NEO1: variants seen among roughly 807,000 people sequenced by gnomAD.
NEO1 encodes the protein neogenin 1.
Under a neutral mutation model 159.7 loss-of-function variants are expected in NEO1, and 63 were observed. The observed-to-expected ratio is 0.39, with a 90% CI of 0.32 to 0.49. The LOEUF (loss-of-function observed/expected upper bound fraction) is 0.49. Ranked by LOEUF, NEO1 falls within the 20% of genes least tolerant of loss-of-function variation. The pLI is 0.85. For synonymous variants in NEO1, 633 were observed against 662.0 expected (o/e 0.96, Z 0.67); for missense variants, 1,615 against 1,831.0 (o/e 0.88, Z 2.15).
chr15:73,223,938 C>G (rs2038430901), intron 7 of NEO1, among the ~76,000 whole-genome samples: 1 of 152,080 alleles, frequency 6.6e-6, no homozygotes, highest in African/African-American at 2.4e-5. Context: ...TGATGTGTTT[C>G]CAGGATTTGA....
chr15:73,293,545 A>G lies in NEO1; in HGVS notation c.3898A>G (p.Thr1300Ala), dbSNP rs2151149954. The G allele has an allele frequency of 1.2e-6, 2 of 1,613,942 alleles. No homozygotes were observed. The highest frequency in any genetic ancestry group is 2.7e-5 in the African/African-American group (2 of 75,014). The change falls in exon 26 of 29, where the codon ACA (threonine) becomes GCA (alanine). Residue 1300 changes from threonine (T) to alanine (A), a missense_variant. Coordinates refer to ENST00000261908, the MANE Select transcript of NEO1 (RefSeq NM_002499.4). ...GTCCCTTTCAGACAGGGCCAATTCCACAGGTGAGAGATGAGGATCAAGCCC... is the reference window on the plus strand; with the variant it reads ...GTCCCTTTCAGACAGGGCCAATTCCGCAGGTGAGAGATGAGGATCAAGCCC... ...SMSLSDRANSTESVRNTPSTD... is the reference protein window; with the variant it reads ...SMSLSDRANSAESVRNTPSTD...
chr15:73,109,160 A>G (rs1485996549), intron 1 of NEO1, among the ~76,000 whole-genome samples: 1 of 152,220 alleles, frequency 6.6e-6, no homozygotes, highest in Non-Finnish European at 1.5e-5. Flanking sequence ...ATACATAACA[A>G]TTTCTAAAAT....
chr15:73,286,508 T>C (rs2041955304), intron 23 of NEO1, among the ~76,000 whole-genome samples: 1 of 152,206 alleles, frequency 6.6e-6, no homozygotes, highest in Admixed American at 6.5e-5. Context: ...CCCCAAGTGA[T>C]CTCATCTGCT....
In NEO1 at chr15:73,253,385, TTTTTG is replaced by T; in HGVS notation, c.1895-11_1895-7del. The T allele has an allele frequency of 6.5e-7, 1 of 1,547,176 alleles. No homozygotes were observed. Among genetic ancestry groups the T allele is most frequent in the South Asian group, 1.2e-5 (1 of 80,374 alleles). On this transcript the variant is annotated splice_polypyrimidine_tract_variant and intron_variant, in intron 11 of 28. Coordinates refer to ENST00000261908, the MANE Select transcript of NEO1 (RefSeq NM_002499.4). ...GATTAAAAAAAAAATTTTTTTTTTT[TTTTTG>T]TTTCTCTAGTTCCCAGTGCTGCTCC...
At position 73,167,473 on chromosome 15, in the gene NEO1, G is replaced by T. The variant is rs985498493; in HGVS notation, c.1016-8930G>T. Among the ~76,000 whole-genome samples the T allele has an allele frequency of 2.6e-5, 4 of 152,072 alleles. No homozygotes were observed. The South Asian group carries it at 6.2e-4, about 24-fold the overall frequency. ...TTTCCTTTATTTCCATGCTGGGGGC[G>T]GGGGAGGCCCATAGGCCCCTCAAGG... is the stretch of plus-strand genomic sequence containing the variant. On this transcript the variant is annotated intron_variant, in intron 5 of 28. Transcript: ENST00000261908.
At position 73,302,947 on chromosome 15, in the gene NEO1, G is replaced by T; in HGVS notation, c.*251G>T. 2.3e-6 allele frequency: 1 copy of T among 444,210 alleles called. No individual in the cohort carries two copies. Among genetic ancestry groups the T allele is most frequent in the Non-Finnish European group, 4.1e-6 (1 of 241,438 alleles). The allele number at this position is 444,210 out of a possible 1,614,324, so 27.5% of individuals were successfully genotyped here. Reference sequence around the variant, plus strand: ...GATATTCTGCAGGACTGGGCACCATGGGCCAAAATTTTGTGTCCAGGGAAG... The same window carrying T: ...GATATTCTGCAGGACTGGGCACCATTGGCCAAAATTTTGTGTCCAGGGAAG... On this transcript the variant is annotated 3_prime_UTR_variant, in exon 29 of 29. Coordinates refer to ENST00000261908, the MANE Select transcript of NEO1 (RefSeq NM_002499.4).
intron 8 of NEO1, among the ~76,000 whole-genome samples, chr15:73,239,384 A>T (rs1161854556): frequency 6.6e-6 from 1 of 152,202 alleles, no homozygotes; most frequent in African/African-American, 2.4e-5. Context: ...TTGGGCCCTC[A>T]TACAAACACG....
Position 73,178,392 on chromosome 15 carries a change from C to T in NEO1, c.1256C>T (p.Ala419Val), listed in dbSNP as rs377540296. 162 of 1,613,584 alleles carry T rather than the reference C, an allele frequency of 1.0e-4. No homozygotes were observed. Among genetic ancestry groups the T allele is most frequent in the Non-Finnish European group, 1.2e-4 (143 of 1,179,838 alleles). Reference sequence around the variant, plus strand: ...ATTGCTGAAAATGATGTTGGAAATGCACAAGCTGGAGCCCAACTGATAATC... The same window carrying T: ...ATTGCTGAAAATGATGTTGGAAATGTACAAGCTGGAGCCCAACTGATAATC... ...QCIAENDVGNAQAGAQLIILE... is the reference protein window; with the variant it reads ...QCIAENDVGNVQAGAQLIILE... Residue 419 changes from alanine to valine, a missense_variant, in exon 7 of 29, where the codon GCA becomes GTA. Physicochemically the swap from Ala to Val is moderately conservative, Grantham distance 64 (BLOSUM62 0). Coordinates refer to ENST00000261908, the MANE Select transcript of NEO1 (RefSeq NM_002499.4).
intron 5 of NEO1, among the ~76,000 whole-genome samples, chr15:73,152,040 T>C (rs1431405155): frequency 6.6e-6 from 1 of 152,184 alleles, no homozygotes; most frequent in East Asian, 1.9e-4. Context: ...ACAGAGCCAA[T>C]AGGAAGCATA....
At chr15:73,239,772 A>G (rs142164202) in intron 8 of NEO1, among the ~76,000 whole-genome samples, 1 of 152,194 alleles carries the variant, frequency 6.6e-6, no homozygotes, top group Non-Finnish European at 1.5e-5. Flanking sequence ...CACGTGATGC[A>G]TTTGTCAGAA....
At chr15:73,274,812 T>TC (rs1383719263) in intron 21 of NEO1, 88 bp downstream of exon 21, 2 of 1,173,696 alleles carry the variant, frequency 1.7e-6, no homozygotes, top group African/African-American at 1.6e-5. Flanking sequence ...TTTTTTTTTT[T>TC]CCTGAAAAAT....
At chr15:73,285,129 A>G (rs114205551) in intron 23 of NEO1, among the ~76,000 whole-genome samples, 1 of 151,570 alleles carries the variant, frequency 6.6e-6, no homozygotes, top group Non-Finnish European at 1.5e-5. Context: ...TTCAAAGTAA[A>G]TTTTTTTTTA....
chr15:73,255,354 A>G (rs2040288555), intron 13 of NEO1: 1 of 152,372 alleles, frequency 6.6e-6, no homozygotes, highest in Non-Finnish European at 1.5e-5. Flanking sequence ...TTCCCTTCAT[A>G]TGCAACAGAA....
At chr15:73,053,236 T>C (rs948482136) in intron 1 of NEO1, among the ~76,000 whole-genome samples, 2 of 152,300 alleles carry the variant, frequency 1.3e-5, no homozygotes, top group East Asian at 1.9e-4. Flanking sequence ...CTTGAGCTCC[T>C]GGTTCCCTGG....
chr15:73,125,429 C>T (rs889053704), intron 3 of NEO1, among the ~76,000 whole-genome samples: 2 of 152,206 alleles, frequency 1.3e-5, no homozygotes, highest in Non-Finnish European at 2.9e-5. Context: ...GCCACATTCA[C>T]CCTTGTGAGT....
At chr15:73,255,767 A>G (rs553726332) in intron 13 of NEO1, 1 of 152,228 alleles carries the variant, frequency 6.6e-6, no homozygotes, top group African/African-American at 2.4e-5. Flanking sequence ...GAGTAAACTC[A>G]CATGGGCTGG....
chr15:73,286,751 A>G (rs1328422473), intron 23 of NEO1, among the ~76,000 whole-genome samples: 2 of 152,140 alleles, frequency 1.3e-5, no homozygotes, highest in Non-Finnish European at 2.9e-5. Flanking sequence ...CCTTAGCATC[A>G]TCCTGTACTC....
intron 1 of NEO1, among the ~76,000 whole-genome samples, chr15:73,071,192 C>T (rs1245389076): frequency 1.3e-5 from 2 of 152,064 alleles, no homozygotes; most frequent in African/African-American, 4.8e-5. Flanking sequence ...AAGAGATCTT[C>T]CTGCCTTGGC....
chr15:73,058,771 A>G (rs991971237), intron 1 of NEO1, among the ~76,000 whole-genome samples: 5 of 152,188 alleles, frequency 3.3e-5, no homozygotes, highest in African/African-American at 9.7e-5. Context: ...AAGCTAATTA[A>G]TAAGTAATTT....
Sources: allele counts gnomAD v4.1 joint callset (sites outside exome capture counted in the v4.1 genomes callset), GRCh38; gene constraint gnomAD v4.1.1; transcripts MANE v1.5; gene names NCBI Gene and HGNC (gene_info 2026-07-23, HGNC 2026-07-21).